TMPRSS12: variants seen among roughly 807,000 people sequenced by gnomAD.
TMPRSS12 encodes the protein transmembrane protease serine 12.
In TMPRSS12, 25 loss-of-function variants were observed where a neutral mutation model predicts 26.0. That is an observed-to-expected ratio of 0.96 (90% CI 0.70 to 1.34). The LOEUF (loss-of-function observed/expected upper bound fraction) is 1.34, where lower values mean the gene tolerates loss of function less well. Ranked by LOEUF, TMPRSS12 falls within the 40% of genes most tolerant of loss-of-function variation. The pLI is 0.00. For synonymous variants in TMPRSS12, 150 were observed against 161.7 expected, an observed-to-expected ratio of 0.93 and a Z score of 0.55; for missense variants, 441 against 440.1, an observed-to-expected ratio of 1.00 and a Z score of -0.02.
At chr12:50,883,041 A>C (rs540202947) in intron 3 of TMPRSS12, among the ~76,000 whole-genome samples, 2 of 152,344 alleles carry the variant, frequency 1.3e-5, no homozygotes, top group African/African-American at 4.8e-5. Context: ...TATAGATAGA[A>C]TTGATGGTCA....
intron 3 of TMPRSS12, among the ~76,000 whole-genome samples, chr12:50,867,042 A>C (rs1937997914): frequency 6.6e-6 from 1 of 152,180 alleles, no homozygotes; most frequent in South Asian, 2.1e-4. Context: ...GGAACCAGGA[A>C]ACCAACTCTG....
rs1228835826 is a variant in TMPRSS12 at position 50,887,385 on chromosome 12, T to G, written c.919T>G (p.Ser307Ala). 2 of 1,613,962 alleles carry G rather than the reference T, an allele frequency of 1.2e-6. No homozygotes were observed. Among genetic ancestry groups the G allele is most frequent in the Non-Finnish European group, 1.7e-6 (2 of 1,179,868 alleles). The change falls in exon 5 of 5, where the codon TCC becomes GCC. Residue 307 changes from serine (S) to alanine (A), a missense_variant. Ser to Ala is a moderately conservative substitution (Grantham distance 99). Transcript: ENST00000398458. ...TTTTCCTGGTGTCTATATTGGGCCA[T>G]CCTTCTACCAAAAGTGGCTGACAGA... ...RGFPGVYIGP[S>A]FYQKWLTEHF...
At chr12:50,876,632 G>A (rs112078786) in intron 3 of TMPRSS12, among the ~76,000 whole-genome samples, 6,603 of 151,806 alleles carry the variant, frequency 0.043, 493 homozygotes, top group African/African-American at 0.15. Context: ...GCGAAACCCC[G>A]TCTCTACTAA....
At chr12:50,865,157 C>A (rs1474506280) in intron 3 of TMPRSS12, among the ~76,000 whole-genome samples, 1 of 151,988 alleles carries the variant, frequency 6.6e-6, no homozygotes, top group African/African-American at 2.4e-5. Flanking sequence ...CATGGTGAAA[C>A]CCCCAATCCA....
chr12:50,880,878 G>A (rs1349500556), intron 3 of TMPRSS12, among the ~76,000 whole-genome samples: 4 of 144,078 alleles, frequency 2.8e-5, no homozygotes, highest in African/African-American at 1.0e-4. Flanking sequence ...AATGAAGGAA[G>A]CTATATACAA....
intron 4 of TMPRSS12, chr12:50,885,896 G>A (rs1938221743): frequency 6.0e-6 from 1 of 166,972 alleles, no homozygotes; most frequent in African/African-American, 2.4e-5. Flanking sequence ...TTGAACTCCT[G>A]ACCTCAAGTG....
At chr12:50,852,892 C>T (rs1937839806) in intron 2 of TMPRSS12, among the ~76,000 whole-genome samples, 1 of 152,224 alleles carries the variant, frequency 6.6e-6, no homozygotes, top group South Asian at 2.1e-4. Flanking sequence ...GAGACTTTAA[C>T]ACCCCACTGA....
intron 2 of TMPRSS12, 84 bp downstream of exon 2, chr12:50,844,121 A>G: frequency 7.8e-7 from 1 of 1,286,568 alleles, no homozygotes; most frequent in Non-Finnish European, 1.0e-6. Context: ...AGCCATTTTC[A>G]GCTAAGCTAT....
At chr12:50,858,462 T>G (rs1447657022) in intron 2 of TMPRSS12, among the ~76,000 whole-genome samples, 1 of 152,236 alleles carries the variant, frequency 6.6e-6, no homozygotes, top group Non-Finnish European at 1.5e-5. Context: ...TTCAGGGATC[T>G]AGTTTTATTT....
chr12:50,859,628 G>T (rs1937916453), intron 3 of TMPRSS12, among the ~76,000 whole-genome samples: 1 of 152,196 alleles, frequency 6.6e-6, no homozygotes, highest in Admixed American at 6.5e-5. Flanking sequence ...AAAGTGTTGA[G>T]ATTACAGGCA....
At chr12:50,856,677 T>G (rs1263158381) in intron 2 of TMPRSS12, among the ~76,000 whole-genome samples, 1 of 152,092 alleles carries the variant, frequency 6.6e-6, no homozygotes, top group Non-Finnish European at 1.5e-5. Context: ...GTGGTTTTTT[T>G]GTTGTTGTTG....
At chr12:50,846,535 T>C (rs1319692352) in intron 2 of TMPRSS12, among the ~76,000 whole-genome samples, 1 of 152,104 alleles carries the variant, frequency 6.6e-6, no homozygotes, top group Non-Finnish European at 1.5e-5. Flanking sequence ...ACTCTTTGGA[T>C]TAGTATGGAT....
intron 3 of TMPRSS12, among the ~76,000 whole-genome samples, chr12:50,866,897 C>T (rs1210916914): frequency 2.0e-5 from 3 of 152,086 alleles, no homozygotes; most frequent in Admixed American, 6.6e-5. Context: ...CGCTGCAGCT[C>T]GGTTCTCAGG....
At chr12:50,875,084 A>C (rs1487525728) in intron 3 of TMPRSS12, among the ~76,000 whole-genome samples, 2 of 152,122 alleles carry the variant, frequency 1.3e-5, no homozygotes, top group African/African-American at 4.8e-5. Flanking sequence ...TCTAGAAAAA[A>C]CTTTTCTAAA....
In TMPRSS12 at chr12:50,883,335, C is replaced by CA. The variant is rs201739301; in HGVS notation, c.653-1903dup. 1.6e-3 allele frequency among the ~76,000 whole-genome samples: 247 copies of CA among 151,696 alleles called. 6 individuals are homozygous for CA. In the East Asian group the frequency reaches 0.04, roughly 24 times the overall value. On this transcript the variant is annotated intron_variant, in intron 3 of 4. Coordinates refer to ENST00000398458, the MANE Select transcript of TMPRSS12 (RefSeq NM_182559.3). ...TAGGCAACAGAGCAGGACGCTGACT[C>CA]AAAAAAAATAGAATTAATCATAACC...
chr12:50,864,403 CTG>C (rs1447220707), intron 3 of TMPRSS12, among the ~76,000 whole-genome samples: 2 of 151,884 alleles, frequency 1.3e-5, no homozygotes, highest in African/African-American at 2.4e-5. Flanking sequence ...AATATAATAA[CTG>C]AAATTAATTC....
In TMPRSS12 at chr12:50,858,785, C is replaced by A. The variant is rs373180169; in HGVS notation, c.384C>A (p.Ser128Arg). The A allele has an allele frequency of 6.5e-6, 10 of 1,529,168 alleles. No individual in the cohort carries two copies. Among genetic ancestry groups the A allele is most frequent in the Non-Finnish European group, 7.9e-6 (9 of 1,143,940 alleles). 94.7% of individuals were successfully genotyped at this position (1,529,168 alleles called of 1,614,324 possible). A position where few individuals can be genotyped will look rare whatever the true frequency, so the allele number is the denominator to read the frequency against. Residue 128 changes from serine (S) to arginine (R), a missense_variant and splice_region_variant, in exon 3 of 5, where the codon AGC (serine) becomes AGA (arginine). Physicochemically the swap from Ser to Arg is moderately radical, Grantham distance 110. Coordinates refer to ENST00000398458, the MANE Select transcript of TMPRSS12 (RefSeq NM_182559.3). ...AATAAGAATGTTTACTTTCTTTCAG[C>A]GATCCTTTAATGTGGACAGCTGTGA... Reference protein sequence around the residue: ...LTAAHCTKDASDPLMWTAVIG... With the variant: ...LTAAHCTKDARDPLMWTAVIG...
In TMPRSS12 at chr12:50,843,011, C is replaced by T. The variant is rs755086815; in HGVS notation, c.47C>T (p.Ser16Phe). Residue 16 changes from serine to phenylalanine, a missense_variant, in exon 1 of 5, where the codon TCT (serine) becomes TTT (phenylalanine). Physicochemically the swap from Ser to Phe is radical, Grantham distance 155. Transcript: ENST00000398458. Reference protein sequence around the residue: ...LSVALLFVGSSHLYSDHYSPS... With the variant: ...LSVALLFVGSFHLYSDHYSPS... ...GTGGCGCTGTTGTTTGTGGGGAGCT[C>T]TCACTTATACTCAGACCACTACTCG... 1.9e-6 allele frequency: 3 copies of T among 1,605,940 alleles called. No homozygotes were observed. The African/African-American group carries it at 4.0e-5, about 21-fold the overall frequency.
chr12:50,853,352 T>C (rs1592217693), intron 2 of TMPRSS12, among the ~76,000 whole-genome samples: 3 of 152,074 alleles, frequency 2.0e-5, no homozygotes, highest in African/African-American at 7.2e-5. Flanking sequence ...TTTATGGTGC[T>C]AAATGCCCAC....
Sources: allele counts gnomAD v4.1 joint callset (sites outside exome capture counted in the v4.1 genomes callset), GRCh38; gene constraint gnomAD v4.1.1; transcripts MANE v1.5; gene names NCBI Gene and HGNC (gene_info 2026-07-23, HGNC 2026-07-21).